Variants in FLOT1 observed in about 807,000 individuals in gnomAD.
The protein encoded by FLOT1 is flotillin-1.
A neutral mutation model predicts 58.4 loss-of-function variants in FLOT1; 40 were observed. That is an observed-to-expected ratio of 0.69 (90% CI 0.53 to 0.89). The LOEUF is 0.89. Among genes scored for constraint, FLOT1 ranks in the 40% least tolerant of loss-of-function variants. The pLI is 0.00. For synonymous variants in FLOT1, 178 were observed against 204.2 expected, an observed-to-expected ratio of 0.87 and a Z score of 1.09; for missense variants, 423 against 540.8, an observed-to-expected ratio of 0.78 and a Z score of 2.16.
chr6:30,734,349 C>T (rs1479651112), intron 8 of FLOT1, among the ~76,000 whole-genome samples: 5 of 150,394 alleles, frequency 3.3e-5, no homozygotes, highest in Non-Finnish European at 3.0e-5. Flanking sequence ...CGCTCTGTCA[C>T]CCAGGCTGGA....
At chr6:30,740,655 G>T in intron 6 of FLOT1, 24 bp downstream of exon 6, 1 of 1,613,036 alleles carries the variant, frequency 6.2e-7, no homozygotes, top group Non-Finnish European at 8.5e-7. Flanking sequence ...AGGAAGTGGG[G>T]AAGGATCAAT....
At chr6:30,729,070 G>A (rs373724737) in intron 12 of FLOT1, among the ~76,000 whole-genome samples, 12 of 146,258 alleles carry the variant, frequency 8.2e-5, no homozygotes, top group African/African-American at 2.9e-4. Context: ...GAGCTACCGC[G>A]CCTGGAATTT....
chr6:30,741,157 T>A lies in FLOT1; in HGVS notation c.354+33A>T. On this transcript the variant is annotated intron_variant, in intron 5 of 12. Transcript: ENST00000376389. This position sits in a 1 kb window ranked among gnomAD's most constrained non-coding sequence, Gnocchi z 5.9. ...GCCTTGGGCCCCCCTCATTTTGACATCCTTCCAGATGGTTCCCTGCCCCTA... is the reference window on the plus strand; with the variant it reads ...GCCTTGGGCCCCCCTCATTTTGACAACCTTCCAGATGGTTCCCTGCCCCTA... 6.2e-7 allele frequency: 1 copy of A among 1,610,554 alleles called. No individual in the cohort carries two copies. Among genetic ancestry groups the A allele is most frequent in the Non-Finnish European group, 8.5e-7 (1 of 1,178,874 alleles).
chr6:30,730,672 C>T lies in FLOT1; in HGVS notation c.951+10G>A, dbSNP rs763773539. ...TCCACAAGCCAGCATGGAACTGCCT[C>T]TTAACTCACCCGCACAGACGCGGCT... is the stretch of plus-strand genomic sequence containing the variant. On this transcript the variant is annotated intron_variant, in intron 10 of 12. Coordinates refer to ENST00000376389, the MANE Select transcript of FLOT1 (RefSeq NM_005803.4). The T allele has an allele frequency of 3.7e-6, 6 of 1,613,646 alleles. No homozygotes were observed. The African/African-American group carries it at 6.7e-5, about 18-fold the overall frequency.
rs530255254 is a variant in FLOT1 at position 30,737,696 on chromosome 6, A to G, written c.723+2462T>C. ...ACTTTCTCTACCACCCGCTAACCTA[A>G]TATACTAACTCCCCTCCCACAGTTT... is the stretch of plus-strand genomic sequence containing the variant. On this transcript the variant is annotated intron_variant, in intron 8 of 12. Coordinates refer to ENST00000376389, the MANE Select transcript of FLOT1 (RefSeq NM_005803.4). The surrounding 1 kb of genome is among the most constrained non-coding windows in gnomAD (Gnocchi z 4.4). Among the ~76,000 whole-genome samples the G allele has an allele frequency of 6.6e-6, 1 of 152,210 alleles. No homozygotes were observed. Among genetic ancestry groups the G allele is most frequent in the South Asian group, 2.1e-4 (1 of 4,828 alleles).
chr6:30,736,744 C>A (rs1777594694), intron 8 of FLOT1, among the ~76,000 whole-genome samples: 1 of 151,574 alleles, frequency 6.6e-6, no homozygotes. Context: ...CAGGTGCCTG[C>A]CACCACGCCC....
intron 8 of FLOT1, 32 bp downstream of exon 8, chr6:30,740,126 G>A (rs1432132386): frequency 1.2e-6 from 2 of 1,607,954 alleles, no homozygotes; most frequent in Non-Finnish European, 1.7e-6. Context: ...GAATGGGGAA[G>A]GGGCAGAGAG....
Position 30,740,231 on chromosome 6 carries a change from T to G in FLOT1, c.650A>C (p.Glu217Ala), listed in dbSNP as rs911405943. 1.2e-6 allele frequency: 2 copies of G among 1,613,008 alleles called. No homozygotes were observed. The highest frequency in any genetic ancestry group is 1.7e-6 in the Non-Finnish European group (2 of 1,180,032). ...GATGTCATAGGCGGCCTTCTTCAGT[T>G]CGTAATCTCTCTGTGCCTTGGCCAT... is the stretch of plus-strand genomic sequence containing the variant. ...IEMAKAQRDYELKKAAYDIEV... is the reference protein window; with the variant it reads ...IEMAKAQRDYALKKAAYDIEV... Residue 217 changes from glutamate to alanine, a missense_variant, in exon 8 of 13, where the codon GAA (glutamate) becomes GCA (alanine). Physicochemically the swap from Glu to Ala is moderately radical, Grantham distance 107 (BLOSUM62 -1). Around this residue, in one of 6 missense-constraint regions of FLOT1, gnomAD observed 137 missense variants for 194.6 expected, o/e 0.70. Coordinates refer to ENST00000376389, the MANE Select transcript of FLOT1 (RefSeq NM_005803.4).
At position 30,730,471 on chromosome 6, in the gene FLOT1, TG is replaced by T. The variant is rs745705199; in HGVS notation, c.1045del (p.Gln349LysfsTer10). 3 of 1,604,022 alleles carry T rather than the reference TG, an allele frequency of 1.9e-6. No homozygotes were observed. The highest frequency in any genetic ancestry group is 3.4e-5 in the Admixed American group (2 of 59,240). On this transcript the variant is annotated frameshift_variant, in exon 11 of 13. Coordinates refer to ENST00000376389, the MANE Select transcript of FLOT1 (RefSeq NM_005803.4). LOFTEE classifies it high-confidence loss of function. ...AKKAEAFQLY[Q>X]EAAQLDMLLE... is the part of the protein sequence containing the mutation. ...CAGCATGTCCAGCTGAGCAGCCTCT[TG>T]GTACAGCTGGAAGGCTTCTGCCTTC...
chr6:30,730,355 C>G, intron 11 of FLOT1, 73 bp downstream of exon 11: 1 of 1,523,822 alleles, frequency 6.6e-7, no homozygotes, highest in Non-Finnish European at 8.9e-7. Flanking sequence ...TCTCCCTAAG[C>G]CCCTCACTAC....
chr6:30,729,832 A>G (rs1191754260), intron 12 of FLOT1, among the ~76,000 whole-genome samples, 190 bp downstream of exon 12: 8 of 152,206 alleles, frequency 5.3e-5, no homozygotes, highest in Admixed American at 4.6e-4. Flanking sequence ...GTAAAATCCT[A>G]TATACCCTAA....
At chr6:30,731,179 T>C in intron 8 of FLOT1, 79 bp from the exon 9 acceptor site, 1 of 1,424,744 alleles carries the variant, frequency 7.0e-7, no homozygotes, top group Non-Finnish European at 9.4e-7. Flanking sequence ...AGCTCCAGAG[T>C]GGGATATAAA....
intron 11 of FLOT1, 41 bp from the exon 12 acceptor site, chr6:30,730,227 C>G (rs1306073514): frequency 6.2e-7 from 1 of 1,601,632 alleles, no homozygotes; most frequent in Non-Finnish European, 8.5e-7. Context: ...CATGATCTGA[C>G]CACATTCCTC....
At chr6:30,732,588 G>C (rs9468820) in intron 8 of FLOT1, among the ~76,000 whole-genome samples, 2,944 of 152,190 alleles carry the variant, frequency 0.019, 69 homozygotes, top group African/African-American at 0.048. Context: ...CTGGGCTCAC[G>C]TGATCCACCT....
At position 30,737,324 on chromosome 6, in the gene FLOT1, C is replaced by T. The variant is rs886743774; in HGVS notation, c.723+2834G>A. On this transcript the variant is annotated intron_variant, in intron 8 of 12. Coordinates refer to ENST00000376389, the MANE Select transcript of FLOT1 (RefSeq NM_005803.4). This position sits in a 1 kb window ranked among gnomAD's most constrained non-coding sequence, Gnocchi z 4.4. Reference sequence around the variant, plus strand: ...TGTCGCCCAGGCTGGAGTGCGGTGGCGCAATCTCGGCTCACTGTGCCTTCT... The same window carrying T: ...TGTCGCCCAGGCTGGAGTGCGGTGGTGCAATCTCGGCTCACTGTGCCTTCT... Among the ~76,000 whole-genome samples, 5 of 152,096 alleles carry T rather than the reference C, an allele frequency of 3.3e-5. No individual in the cohort carries two copies. Among genetic ancestry groups the T allele is most frequent in the African/African-American group, 7.2e-5 (3 of 41,498 alleles).
In FLOT1 at chr6:30,730,026, G is replaced by GAGAT; in HGVS notation, c.1246_1249dup (p.Ser417TyrfsTer29). 1 of 1,612,960 alleles carries GAGAT rather than the reference G, an allele frequency of 6.2e-7. No individual in the cohort carries two copies. The highest frequency in any genetic ancestry group is 2.2e-5 in the East Asian group (1 of 44,882). ...AGCTCCAACCTGAGACCTCACCTGG[G>GAGAT]AGATGCTCACGCCTGTGAGTCTTTC... On this transcript the variant is annotated frameshift_variant, in exon 12 of 13. Coordinates refer to ENST00000376389, the MANE Select transcript of FLOT1 (RefSeq NM_005803.4). LOFTEE classifies it high-confidence loss of function.
intron 11 of FLOT1, 79 bp from the exon 12 acceptor site, chr6:30,730,265 G>A: frequency 6.5e-7 from 1 of 1,547,834 alleles, no homozygotes; most frequent in Non-Finnish European, 8.9e-7. Flanking sequence ...GGGTTTTAAG[G>A]TCCTCGTTCC....
At position 30,741,574 on chromosome 6, in the gene FLOT1, G is replaced by A. The variant is rs747155833; in HGVS notation, c.210+40C>T. The A allele has an allele frequency of 6.9e-7, 1 of 1,459,176 alleles. No homozygotes were observed. Among genetic ancestry groups the A allele is most frequent in the Non-Finnish European group, 9.6e-7 (1 of 1,040,362 alleles). 90.4% of individuals were successfully genotyped at this position (1,459,176 alleles called of 1,614,324 possible). A position where few individuals can be genotyped will look rare whatever the true frequency, so the allele number is the denominator to read the frequency against. On this transcript the variant is annotated intron_variant, in intron 4 of 12. Transcript: ENST00000376389. The surrounding 1 kb of genome is among the most constrained non-coding windows in gnomAD (Gnocchi z 5.9). ...CTTAATGTCTGGGAGAGAGGGTGAT[G>A]GGGAAGTGGACTGTGGGGAAAAGGC...
chr6:30,741,328 T>A lies in FLOT1; in HGVS notation c.216A>T (p.Lys72Asn), dbSNP rs1562196369. Residue 72 changes from lysine to asparagine, a missense_variant, in exon 5 of 13, where the codon AAA becomes AAT. Lys to Asn is a moderately conservative substitution (Grantham distance 94). Around this residue, in one of 6 missense-constraint regions of FLOT1, gnomAD observed 91 missense variants for 118.3 expected, o/e 0.77. Transcript: ENST00000376389. This position sits in a 1 kb window ranked among gnomAD's most constrained non-coding sequence, Gnocchi z 5.9. The part of the protein sequence containing the change: ...PISVTGIAQV[K>N]IQGQNKEMLA... ...ACATCTCCTTGTTCTGCCCCTGGAT[T>A]TTTACCTGTAGCCAGAGTAGGGGTA... 6.2e-7 allele frequency: 1 copy of A among 1,613,022 alleles called. No individual in the cohort carries two copies. The highest frequency in any genetic ancestry group is 1.7e-5 in the Admixed American group (1 of 60,016).
Sources: allele counts gnomAD v4.1 joint callset (sites outside exome capture counted in the v4.1 genomes callset), GRCh38; gene constraint gnomAD v4.1.1; regional missense constraint gnomAD v4.1.1; non-coding constraint Gnocchi (gnomAD v3.1); transcripts MANE v1.5; gene names NCBI Gene and HGNC (gene_info 2026-07-23, HGNC 2026-07-21).